DRC8: variants seen among roughly 807,000 people sequenced by gnomAD.
DRC8 encodes dynein regulatory complex protein 8.
At chr1:245,063,408 C>G in the DRC8 span, among the ~76,000 whole-genome samples, 1 of 152,188 alleles carries the variant, frequency 6.6e-6, no homozygotes, top group Admixed American at 6.5e-5. Flanking sequence ...CCCCTAGCTC[C>G]TAGTTCAGGA....
At chr1:245,024,404 T>TA in the DRC8 span, among the ~76,000 whole-genome samples, 1 of 152,184 alleles carries the variant, frequency 6.6e-6, no homozygotes, top group Non-Finnish European at 1.5e-5. Context: ...ATCTTGATGA[T>TA]AGAGTCTCTC....
the DRC8 span, among the ~76,000 whole-genome samples, chr1:245,120,376 G>A: frequency 3.3e-5 from 5 of 152,304 alleles, no homozygotes; most frequent in African/African-American, 9.6e-5. Flanking sequence ...CAATGTCTGT[G>A]TAGTATTCTA....
the DRC8 span, among the ~76,000 whole-genome samples, chr1:245,001,189 C>A: frequency 1.3e-3 from 192 of 152,194 alleles, no homozygotes; most frequent in African/African-American, 4.4e-3. Context: ...TTACAGTATT[C>A]TTTGATTAAG....
chr1:244,971,315 C>CCCT, the DRC8 span, among the ~76,000 whole-genome samples: 1 of 152,262 alleles, frequency 6.6e-6, no homozygotes, highest in South Asian at 2.1e-4. Context: ...TCCCAGGGGA[C>CCCT]CACCCAGCCC....
chr1:244,984,679 A>G, the DRC8 span, among the ~76,000 whole-genome samples: 1 of 152,064 alleles, frequency 6.6e-6, no homozygotes, highest in African/African-American at 2.4e-5. Context: ...TACTAAAAGT[A>G]TAAAAATGAG....
chr1:245,048,336 G>C, the DRC8 span, among the ~76,000 whole-genome samples: 4 of 152,114 alleles, frequency 2.6e-5, no homozygotes, highest in Non-Finnish European at 5.9e-5. Context: ...AATATATTTT[G>C]TTATGAAACT....
At chr1:245,024,637 T>C in the DRC8 span, among the ~76,000 whole-genome samples, 2 of 151,166 alleles carry the variant, frequency 1.3e-5, no homozygotes. Flanking sequence ...AACCTCTGCC[T>C]CCTGGGTTCA....
At chr1:245,008,958 G>A in the DRC8 span, among the ~76,000 whole-genome samples, 1 of 150,694 alleles carries the variant, frequency 6.6e-6, no homozygotes, top group Non-Finnish European at 1.5e-5. Flanking sequence ...AAAGTGCTAG[G>A]ATTAGAGGCA....
the DRC8 span, among the ~76,000 whole-genome samples, chr1:244,985,076 GTTTTTTT>G: frequency 6.9e-4 from 90 of 130,814 alleles, no homozygotes; most frequent in Admixed American, 1.5e-3. Context: ...TGTCTCCAGG[GTTTTTTT>G]TTTTTTTTTT....
chr1:245,059,461 G>A, the DRC8 span: 2 of 1,611,150 alleles, frequency 1.2e-6, no homozygotes, highest in South Asian at 1.1e-5. Context: ...TTGCAGAGGT[G>A]AGTACGGCGA....
the DRC8 span, among the ~76,000 whole-genome samples, chr1:244,980,168 G>A: frequency 1.4e-5 from 2 of 145,206 alleles, no homozygotes; most frequent in Admixed American, 7.0e-5. Context: ...GCAGTGAGCC[G>A]AGATCACGCC....
the DRC8 span, among the ~76,000 whole-genome samples, chr1:245,008,018 T>TA: frequency 6.6e-6 from 1 of 151,486 alleles, no homozygotes. Flanking sequence ...AAACAAAAAT[T>TA]AAAAAAAATT....
the DRC8 span, among the ~76,000 whole-genome samples, chr1:245,073,469 C>T: frequency 3.9e-5 from 6 of 152,152 alleles, no homozygotes; most frequent in South Asian, 2.1e-4. Flanking sequence ...ATACCACTCT[C>T]GTGGGGATGC....
the DRC8 span, among the ~76,000 whole-genome samples, chr1:245,064,214 T>A: frequency 6.6e-6 from 1 of 152,120 alleles, no homozygotes; most frequent in Non-Finnish European, 1.5e-5. Flanking sequence ...CAGGATTAGA[T>A]CAAAGCATAA....
the DRC8 span, among the ~76,000 whole-genome samples, chr1:245,074,460 A>G: frequency 6.6e-6 from 1 of 152,136 alleles, no homozygotes; most frequent in African/African-American, 2.4e-5. Context: ...CTGAAGCCCC[A>G]CCCTCAGAGG....
chr1:245,074,962 G>T, the DRC8 span, among the ~76,000 whole-genome samples: 1,159 of 152,222 alleles, frequency 7.6e-3, 12 homozygotes, highest in African/African-American at 0.025. Flanking sequence ...ACATTCACAT[G>T]TGTATCTGAT....
At chr1:245,092,777 C>T in the DRC8 span, among the ~76,000 whole-genome samples, 8 of 152,138 alleles carry the variant, frequency 5.3e-5, no homozygotes, top group African/African-American at 1.2e-4. Flanking sequence ...TTACTGATTA[C>T]GTAATTGGCC....
chr1:244,982,013 C>T, the DRC8 span, among the ~76,000 whole-genome samples: 1 of 152,164 alleles, frequency 6.6e-6, no homozygotes, highest in African/African-American at 2.4e-5. Flanking sequence ...CTCACCCATC[C>T]CTCACCACCA....
At chr1:245,119,708 C>T in the DRC8 span, among the ~76,000 whole-genome samples, 10 of 151,428 alleles carry the variant, frequency 6.6e-5, no homozygotes, top group East Asian at 7.8e-4. Flanking sequence ...CCGAGGCATG[C>T]GGATCACAAG....
Sources: allele counts gnomAD v4.1 joint callset (sites outside exome capture counted in the v4.1 genomes callset), GRCh38; gene constraint gnomAD v4.1.1; transcripts MANE v1.5; gene names NCBI Gene and HGNC (gene_info 2026-07-23, HGNC 2026-07-21).